EPHA6: variants seen among roughly 807,000 people sequenced by gnomAD.
EPHA6 encodes the protein ephrin type-A receptor 6.
EPHA6 carries 50 observed loss-of-function variants against 112.0 expected under a neutral mutation model. The ratio of observed to expected loss-of-function variants is 0.45; its 90% CI spans 0.36 to 0.56. EPHA6 has a LOEUF of 0.56. EPHA6 is among the 20% of genes least tolerant of loss of function. The pLI, the probability that EPHA6 is intolerant of heterozygous loss-of-function variation, is 0.00. For synonymous variants in EPHA6, 529 were observed against 490.7 expected, an observed-to-expected ratio of 1.08 and a Z score of -1.03; for missense variants, 1,280 against 1,417.4, an observed-to-expected ratio of 0.90 and a Z score of 1.56.
chr3:97,019,014 C>G (rs896339164), intron 3 of EPHA6, among the ~76,000 whole-genome samples: 4 of 152,110 alleles, frequency 2.6e-5, no homozygotes, highest in African/African-American at 9.7e-5. Flanking sequence ...CCCCTCAGCT[C>G]CTATCTCTGT....
chr3:97,126,826 A>C (rs1020608256), intron 3 of EPHA6, among the ~76,000 whole-genome samples: 1 of 151,700 alleles, frequency 6.6e-6, no homozygotes, highest in Non-Finnish European at 1.5e-5. Flanking sequence ...TGTCAATATT[A>C]GTTTATTAAA....
chr3:97,493,497 A>G (rs1416987191), intron 10 of EPHA6, among the ~76,000 whole-genome samples: 1 of 152,112 alleles, frequency 6.6e-6, no homozygotes, highest in African/African-American at 2.4e-5. Flanking sequence ...AGTCTTTATC[A>G]GATTAGGGTC....
At chr3:97,252,221 C>T (rs976037173) in intron 5 of EPHA6, among the ~76,000 whole-genome samples, 1 of 151,990 alleles carries the variant, frequency 6.6e-6, no homozygotes, top group African/African-American at 2.4e-5. Context: ...CCCTCTGTAC[C>T]AGGGATACTT....
intron 3 of EPHA6, among the ~76,000 whole-genome samples, chr3:97,222,038 A>AC (rs2078219312): frequency 6.6e-6 from 1 of 151,960 alleles, no homozygotes; most frequent in Non-Finnish European, 1.5e-5. Flanking sequence ...AAAAAAAAAA[A>AC]AAAACCAACC....
intron 13 of EPHA6, among the ~76,000 whole-genome samples, chr3:97,635,494 T>A (rs749482829): frequency 5.9e-5 from 9 of 152,110 alleles, no homozygotes; most frequent in Non-Finnish European, 1.0e-4. Context: ...TACTGATACA[T>A]GCTACAATGT....
chr3:97,395,133 A>G (rs576837451), intron 5 of EPHA6, among the ~76,000 whole-genome samples: 1 of 151,692 alleles, frequency 6.6e-6, no homozygotes, highest in East Asian at 1.9e-4. Context: ...AAATTCAGAA[A>G]GAAAAAAAAA....
In EPHA6 at chr3:97,596,219, C is replaced by T. The variant is rs147320839; in HGVS notation, c.2512+3482C>T. On this transcript the variant is annotated intron_variant, in intron 12 of 17. Transcript: ENST00000389672. ...CGCGCCCGGCCATATCAGACATAGTCTCTAAAATAATAAGCTTGCTCTCTT... is the reference window on the plus strand; with the variant it reads ...CGCGCCCGGCCATATCAGACATAGTTTCTAAAATAATAAGCTTGCTCTCTT... Among the ~76,000 whole-genome samples, 394 of 152,240 alleles carry T rather than the reference C, an allele frequency of 2.6e-3. 4 individuals are homozygous for T. The highest frequency in any genetic ancestry group is 8.7e-3 in the African/African-American group (360 of 41,566).
chr3:97,314,115 A>C (rs2081692313), intron 5 of EPHA6, among the ~76,000 whole-genome samples: 1 of 151,604 alleles, frequency 6.6e-6, no homozygotes, highest in Admixed American at 6.6e-5. Context: ...GTTTGCCAAC[A>C]CCATTTATTG....
intron 3 of EPHA6, among the ~76,000 whole-genome samples, chr3:97,120,294 C>A (rs917846899): frequency 5.3e-5 from 8 of 151,812 alleles, no homozygotes; most frequent in Admixed American, 1.3e-4. Context: ...TAACAAAATT[C>A]TTTCTCTTCT....
intron 3 of EPHA6, among the ~76,000 whole-genome samples, chr3:97,003,869 A>G (rs999530711): frequency 1.4e-5 from 2 of 138,350 alleles, no homozygotes; most frequent in Admixed American, 8.5e-5. Flanking sequence ...TTCAACCCCC[A>G]CTTATGAGTG....
intron 3 of EPHA6, among the ~76,000 whole-genome samples, chr3:97,157,687 T>C (rs1416218261): frequency 6.6e-6 from 1 of 152,100 alleles, no homozygotes; most frequent in Non-Finnish European, 1.5e-5. Context: ...CGAGAGGAGC[T>C]GATATTTCAG....
intron 10 of EPHA6, among the ~76,000 whole-genome samples, chr3:97,525,055 G>A (rs1013429802): frequency 3.3e-5 from 5 of 151,940 alleles, no homozygotes; most frequent in African/African-American, 1.2e-4. Flanking sequence ...CAAGATTTGG[G>A]ATTTTTTCAA....
chr3:97,584,575 CTA>C (rs1370794830), intron 11 of EPHA6, among the ~76,000 whole-genome samples: 5 of 152,170 alleles, frequency 3.3e-5, no homozygotes, highest in African/African-American at 1.2e-4. Context: ...AATATTGCCA[CTA>C]TGATTGACTT....
chr3:97,517,878 T>A, intron 10 of EPHA6, among the ~76,000 whole-genome samples: 1 of 152,152 alleles, frequency 6.6e-6, no homozygotes, highest in East Asian at 1.9e-4. Flanking sequence ...TATTTCACTT[T>A]CCATAATGTC....
At chr3:96,823,486 T>A (rs1201595488) in intron 1 of EPHA6, among the ~76,000 whole-genome samples, 1 of 150,796 alleles carries the variant, frequency 6.6e-6, no homozygotes, top group African/African-American at 2.4e-5. Flanking sequence ...TAGCTAAAAC[T>A]TTTTTTAATA....
chr3:97,752,902 G>A lies in EPHA6; in HGVS notation c.*4201G>A, dbSNP rs192403840. Among the ~76,000 whole-genome samples the A allele has an allele frequency of 4.6e-5, 7 of 152,048 alleles. No individual in the cohort carries two copies. The highest frequency in any genetic ancestry group is 7.4e-5 in the Non-Finnish European group (5 of 67,924). On this transcript the variant is annotated 3_prime_UTR_variant, in exon 18 of 18. Coordinates refer to ENST00000389672, the MANE Select transcript of EPHA6 (RefSeq NM_001080448.3). ...GCATATGTATCACTTCTTTTAGTAT[G>A]AGCATCTTAACTTTTCCAATCTCAA...
At chr3:97,058,843 A>G (rs1218798743) in intron 3 of EPHA6, among the ~76,000 whole-genome samples, 1 of 152,214 alleles carries the variant, frequency 6.6e-6, no homozygotes, top group African/African-American at 2.4e-5. Flanking sequence ...TTATGTCAGT[A>G]AGATTGTTTT....
intron 7 of EPHA6, among the ~76,000 whole-genome samples, chr3:97,468,401 A>G (rs2091125112): frequency 6.6e-6 from 1 of 151,522 alleles, no homozygotes; most frequent in Admixed American, 6.6e-5. Flanking sequence ...AAGCCTAGGC[A>G]GGGATATTTA....
chr3:97,599,389 T>C (rs1335435577), intron 12 of EPHA6, among the ~76,000 whole-genome samples: 1 of 148,246 alleles, frequency 6.7e-6, no homozygotes, highest in Admixed American at 6.8e-5. Flanking sequence ...CTAGGGTTTT[T>C]ATGGTTTTAG....
Sources: gnomAD v4.1 joint callset for allele counts (sites outside exome capture counted in the v4.1 genomes callset) on GRCh38, gnomAD v4.1.1 for gene constraint, MANE v1.5 for transcripts, NCBI Gene and HGNC (gene_info 2026-07-23, HGNC 2026-07-21) for gene names.